SLIT2: variants seen among roughly 807,000 people sequenced by gnomAD.
The protein encoded by SLIT2 is slit homolog 2 protein.
A neutral mutation model predicts 185.7 loss-of-function variants in SLIT2; 41 were observed. The observed-to-expected ratio is 0.22, with a 90% CI of 0.17 to 0.29. The LOEUF (loss-of-function observed/expected upper bound fraction) is 0.29, where lower values mean the gene tolerates loss of function less well. Ranked by LOEUF, SLIT2 falls within the 10% of genes least tolerant of loss-of-function variation. The pLI is 1.00. For synonymous variants in SLIT2, 693 were observed against 680.2 expected (o/e 1.02, Z -0.29); for missense variants, 1,571 against 1,909.0 (o/e 0.82, Z 3.30).
chr4:20,298,853 T>A (rs67669825), intron 4 of SLIT2, among the ~76,000 whole-genome samples: 13,880 of 152,200 alleles, frequency 0.091, 751 homozygotes, highest in African/African-American at 0.15. Flanking sequence ...GTAGCTCTCA[T>A]AGTGATGGTG....
intron 29 of SLIT2, among the ~76,000 whole-genome samples, chr4:20,579,355 A>G (rs1726344984): frequency 6.6e-6 from 1 of 152,070 alleles, no homozygotes; most frequent in Non-Finnish European, 1.5e-5. Flanking sequence ...CCTGTCTGTA[A>G]TTAACACAGC....
At chr4:20,512,338 G>A (rs1159163498) in intron 11 of SLIT2, among the ~76,000 whole-genome samples, 1 of 152,170 alleles carries the variant, frequency 6.6e-6, no homozygotes, top group Non-Finnish European at 1.5e-5. Context: ...GGGCACATGA[G>A]TGTTCCAGTT....
chr4:20,469,751 C>CTTTTTTTTTTTT (rs33912349), intron 5 of SLIT2, among the ~76,000 whole-genome samples: 27 of 90,742 alleles, frequency 3.0e-4, no homozygotes, highest in Non-Finnish European at 4.3e-4. Flanking sequence ...TTAGTTTTTA[C>CTTTTTTTTTTTT]TTTTTTTTTT....
chr4:20,309,405 T>G (rs1014925849), intron 4 of SLIT2, among the ~76,000 whole-genome samples: 1 of 152,038 alleles, frequency 6.6e-6, no homozygotes, highest in Non-Finnish European at 1.5e-5. Flanking sequence ...TTATCCACTC[T>G]CTTTTCTTCT....
intron 5 of SLIT2, among the ~76,000 whole-genome samples, chr4:20,472,408 C>CTATATA (rs1201042564): frequency 9.2e-5 from 3 of 32,462 alleles, no homozygotes; most frequent in Non-Finnish European, 1.5e-4. Context: ...ATATAGATAT[C>CTATATA]TATATATCTA....
chr4:20,319,966 G>A (rs1324452878), intron 4 of SLIT2, among the ~76,000 whole-genome samples: 6 of 152,194 alleles, frequency 3.9e-5, no homozygotes, highest in Admixed American at 6.5e-5. Context: ...TCCGACGCCC[G>A]TGAGAGTCCT....
At chr4:20,328,143 T>C (rs1044214989) in intron 4 of SLIT2, among the ~76,000 whole-genome samples, 1 of 152,050 alleles carries the variant, frequency 6.6e-6, no homozygotes. Flanking sequence ...AGAATGTCCA[T>C]TTCAGTTCTT....
At chr4:20,431,474 G>T (rs933300644) in intron 4 of SLIT2, among the ~76,000 whole-genome samples, 1 of 152,102 alleles carries the variant, frequency 6.6e-6, no homozygotes, top group Non-Finnish European at 1.5e-5. Context: ...AGGGCTGAAC[G>T]CATCTTTTAT....
chr4:20,420,407 C>A (rs1728082922), intron 4 of SLIT2, among the ~76,000 whole-genome samples: 1 of 152,186 alleles, frequency 6.6e-6, no homozygotes. Context: ...AATATTGATG[C>A]AACACTTTGT....
At chr4:20,365,462 T>A (rs986775280) in intron 4 of SLIT2, among the ~76,000 whole-genome samples, 1 of 152,242 alleles carries the variant, frequency 6.6e-6, no homozygotes, top group African/African-American at 2.4e-5. Context: ...TCTGCCATGT[T>A]CCAGGCAAGC....
intron 4 of SLIT2, among the ~76,000 whole-genome samples, chr4:20,394,086 A>G (rs1725681290): frequency 6.6e-6 from 1 of 151,998 alleles, no homozygotes; most frequent in Non-Finnish European, 1.5e-5. Flanking sequence ...CAGTAAAAGA[A>G]TATTTGGTGG....
intron 4 of SLIT2, among the ~76,000 whole-genome samples, chr4:20,437,354 C>T (rs1348807675): frequency 6.6e-6 from 1 of 152,154 alleles, no homozygotes; most frequent in Non-Finnish European, 1.5e-5. Flanking sequence ...GTGGCTCACA[C>T]CTGTATTCTT....
chr4:20,334,147 G>A lies in SLIT2; in HGVS notation c.395+65266G>A, dbSNP rs1182726792. On this transcript the variant is annotated intron_variant, in intron 4 of 36. Transcript: ENST00000504154. ...TAGAGAGAAAATATGGTTATCCCTC[G>A]CTAGAGAAATTAAATACTGAGGGAA... 4.6e-5 allele frequency among the ~76,000 whole-genome samples: 7 copies of A among 151,960 alleles called. No homozygotes were observed. The East Asian group carries it at 5.8e-4, about 13-fold the overall frequency.
At chr4:20,589,331 TAAAC>T (rs1450816099) in intron 29 of SLIT2, among the ~76,000 whole-genome samples, 1 of 152,150 alleles carries the variant, frequency 6.6e-6, no homozygotes, top group Non-Finnish European at 1.5e-5. Context: ...AAATCCAAAA[TAAAC>T]AACGCCATTG....
intron 4 of SLIT2, among the ~76,000 whole-genome samples, chr4:20,320,467 T>C (rs897936704): frequency 2.0e-5 from 3 of 152,092 alleles, no homozygotes; most frequent in African/African-American, 7.2e-5. Context: ...AGGAAACAAT[T>C]GTACTGAACT....
intron 9 of SLIT2, among the ~76,000 whole-genome samples, chr4:20,509,849 T>C (rs1464352709): frequency 6.6e-6 from 1 of 152,192 alleles, no homozygotes; most frequent in Non-Finnish European, 1.5e-5. Flanking sequence ...ATAAAAATAC[T>C]TCAGTTGTGC....
intron 4 of SLIT2, among the ~76,000 whole-genome samples, chr4:20,347,036 C>T (rs1560339247): frequency 1.3e-5 from 2 of 152,172 alleles, no homozygotes; most frequent in Non-Finnish European, 2.9e-5. Context: ...ACTTTGCATC[C>T]TTCATTATGA....
intron 29 of SLIT2, among the ~76,000 whole-genome samples, chr4:20,573,713 C>T (rs1577952165): frequency 6.6e-6 from 1 of 151,910 alleles, no homozygotes; most frequent in East Asian, 1.9e-4. Context: ...TCTTTAGTAA[C>T]ATGTAACATG....
At position 20,497,306 on chromosome 4, in the gene SLIT2, C is replaced by A. The variant is rs1306439039; in HGVS notation, c.914+5407C>A. Among the ~76,000 whole-genome samples the A allele has an allele frequency of 5.9e-5, 9 of 151,678 alleles. No individual in the cohort carries two copies. In the South Asian group the frequency reaches 1.0e-3, roughly 18 times the overall value. On this transcript the variant is annotated intron_variant, in intron 9 of 36. Coordinates refer to ENST00000504154, the MANE Select transcript of SLIT2 (RefSeq NM_004787.4). ...AAAAAACTTAGAAATTTTGTAAAAA[C>A]CTTCAATTGTGAAGTGGCTAAAATG...
Sources: gnomAD v4.1 joint callset for allele counts (sites outside exome capture counted in the v4.1 genomes callset) on GRCh38, gnomAD v4.1.1 for gene constraint, MANE v1.5 for transcripts, NCBI Gene and HGNC (gene_info 2026-07-23, HGNC 2026-07-21) for gene names.